Variants in TF observed in about 807,000 individuals in gnomAD.
TF encodes the protein transferrin, also known as serotransferrin.
Under a neutral mutation model 82.4 loss-of-function variants are expected in TF, and 55 were observed. That is an observed-to-expected ratio of 0.67 (90% CI 0.54 to 0.84). The LOEUF (loss-of-function observed/expected upper bound fraction) is 0.84, where lower values mean the gene tolerates loss of function less well. Ranked by LOEUF, TF falls within the 40% of genes least tolerant of loss-of-function variation. The pLI is 0.00. For synonymous variants in TF, 332 were observed against 332.6 expected, an observed-to-expected ratio of 1.00 and a Z score of 0.02; for missense variants, 737 against 868.4, an observed-to-expected ratio of 0.85 and a Z score of 1.90.
the TF span, among the ~76,000 whole-genome samples, chr3:133,739,737 C>T: frequency 6.6e-6 from 1 of 152,204 alleles, no homozygotes; most frequent in Admixed American, 6.5e-5. Flanking sequence ...GGAAAAAGCT[C>T]ATCATCACTG....
the TF span, among the ~76,000 whole-genome samples, chr3:133,695,316 C>T: frequency 2.1e-5 from 3 of 144,720 alleles, no homozygotes; most frequent in African/African-American, 2.6e-5. Flanking sequence ...GGCATGATCT[C>T]GGCTTACTGC....
the TF span, among the ~76,000 whole-genome samples, chr3:133,704,875 TC>T: frequency 6.6e-6 from 1 of 151,796 alleles, no homozygotes; most frequent in Non-Finnish European, 1.5e-5. Flanking sequence ...TTCCCTAATA[TC>T]ATTGATTACA....
At chr3:133,750,862 A>G (rs1259001316) in intron 2 of TF, among the ~76,000 whole-genome samples, 2 of 152,226 alleles carry the variant, frequency 1.3e-5, no homozygotes, top group Non-Finnish European at 2.9e-5. Context: ...CACATGTGCC[A>G]TGTTGGTGTG....
At chr3:133,663,677 C>A in the TF span, among the ~76,000 whole-genome samples, 1 of 152,094 alleles carries the variant, frequency 6.6e-6, no homozygotes, top group African/African-American at 2.4e-5. Context: ...AAGTGAAGTT[C>A]AGGGACTGTG....
the TF span, among the ~76,000 whole-genome samples, chr3:133,698,600 G>A: frequency 1.3e-5 from 2 of 152,124 alleles, no homozygotes; most frequent in Non-Finnish European, 2.9e-5. Flanking sequence ...ATGTTCACAT[G>A]GCCTGTGTGC....
At chr3:133,767,889 G>A (rs1934164272) in intron 12 of TF, 140 bp from the exon 13 acceptor site, 1 of 1,046,002 alleles carries the variant, frequency 9.6e-7, no homozygotes, top group South Asian at 1.3e-5. Flanking sequence ...AGCCTGGCAA[G>A]TCCTGGGTTG....
chr3:133,701,203 A>AG, the TF span: 1 of 152,192 alleles, frequency 6.6e-6, no homozygotes, highest in South Asian at 2.1e-4. Flanking sequence ...TGGGTTAATG[A>AG]GGGGGTTTTC....
the TF span, chr3:133,691,965 T>C: frequency 6.5e-6 from 1 of 152,750 alleles, no homozygotes; most frequent in Non-Finnish European, 1.5e-5. Context: ...AAGGAGGCTG[T>C]CTCTGATGCT....
intron 9 of TF, 128 bp downstream of exon 9, chr3:133,759,457 T>C (rs529859916): frequency 1.7e-6 from 2 of 1,150,278 alleles, no homozygotes; most frequent in African/African-American, 1.5e-5. Flanking sequence ...GCCCTGACTA[T>C]GTGAGCACAG....
At chr3:133,706,267 C>T in the TF span, among the ~76,000 whole-genome samples, 3 of 152,196 alleles carry the variant, frequency 2.0e-5, no homozygotes, top group Admixed American at 6.5e-5. Flanking sequence ...TTCATAGATG[C>T]TGATAATGAA....
At chr3:133,681,542 CAGG>C in the TF span, among the ~76,000 whole-genome samples, 1 of 152,208 alleles carries the variant, frequency 6.6e-6, no homozygotes, top group Non-Finnish European at 1.5e-5. Context: ...AACGGCACAC[CAGG>C]AGATTATATC....
the TF span, among the ~76,000 whole-genome samples, chr3:133,685,894 A>G: frequency 3.9e-5 from 6 of 152,224 alleles, no homozygotes; most frequent in African/African-American, 7.2e-5. Context: ...TGCCAAGACA[A>G]TCCTAAGCGA....
At chr3:133,686,198 C>T in the TF span, among the ~76,000 whole-genome samples, 10 of 152,264 alleles carry the variant, frequency 6.6e-5, no homozygotes, top group South Asian at 2.1e-4. Flanking sequence ...AACATTAATT[C>T]GAGATGGATT....
At chr3:133,676,287 A>T in the TF span, among the ~76,000 whole-genome samples, 1 of 152,168 alleles carries the variant, frequency 6.6e-6, no homozygotes, top group Non-Finnish European at 1.5e-5. Flanking sequence ...TGTGAAAATG[A>T]GATACTGTAT....
the TF span, among the ~76,000 whole-genome samples, chr3:133,694,628 T>C: frequency 6.6e-6 from 1 of 152,164 alleles, no homozygotes. Flanking sequence ...TCTAGGACTC[T>C]GAGATCTACA....
rs769588133 is a variant in TF at position 133,753,702 on chromosome 3, G to A, written c.324G>A (p.Glu108=). 7.4e-6 allele frequency: 12 copies of A among 1,612,678 alleles called. No homozygotes were observed. The highest frequency in any genetic ancestry group is 2.2e-5 in the East Asian group (1 of 44,890). ...PVVAEFYGSK[E]DPQTFYYAVA... is the part of the protein sequence containing the mutation. ...TGGCAGAGTTCTATGGGTCAAAAGA[G>A]GGTAAGTTCTCCCTGGGACCCCAGG... Residue 108 remains glutamate, a splice_region_variant and synonymous_variant, in exon 3 of 17, where the codon GAG becomes GAA. Transcript: ENST00000402696.
chr3:133,774,578 C>T (rs924116340), intron 14 of TF: 4 of 152,396 alleles, frequency 2.6e-5, no homozygotes, highest in Non-Finnish European at 5.9e-5. Flanking sequence ...TATAATGAGC[C>T]GTGGATGGAA....
chr3:133,696,854 CACAA>C, the TF span, among the ~76,000 whole-genome samples: 3 of 151,354 alleles, frequency 2.0e-5, no homozygotes, highest in South Asian at 2.1e-4. Context: ...GACAGTTTAC[CACAA>C]ACAAACAAAA....
the TF span, among the ~76,000 whole-genome samples, chr3:133,729,101 A>G: frequency 6.6e-6 from 1 of 152,178 alleles, no homozygotes; most frequent in South Asian, 2.1e-4. Context: ...CTTGGGGGTC[A>G]GGGGTCAGAG....
Sources: gnomAD v4.1 joint callset for allele counts (sites outside exome capture counted in the v4.1 genomes callset) on GRCh38, gnomAD v4.1.1 for gene constraint, MANE v1.5 for transcripts, NCBI Gene and HGNC (gene_info 2026-07-23, HGNC 2026-07-21) for gene names.